NT5C2: variants seen among roughly 807,000 people sequenced by gnomAD.
NT5C2 encodes the protein cytosolic purine 5'-nucleotidase.
A neutral mutation model predicts 76.1 loss-of-function variants in NT5C2; 58 were observed. The ratio of observed to expected loss-of-function variants is 0.76; its 90% CI spans 0.62 to 0.95. The LOEUF (loss-of-function observed/expected upper bound fraction) is 0.95. Ranked by LOEUF, NT5C2 falls within the 40% of genes least tolerant of loss-of-function variation. The pLI, the probability that NT5C2 is intolerant of heterozygous loss-of-function variation, is 0.00. For missense variants in NT5C2, 478 were observed against 690.3 expected, an observed-to-expected ratio of 0.69 and a Z score of 3.45; for synonymous variants, 229 against 237.4, an observed-to-expected ratio of 0.96 and a Z score of 0.32.
chr10:103,179,745 G>A (rs2090732626), intron 2 of NT5C2, among the ~76,000 whole-genome samples: 1 of 152,088 alleles, frequency 6.6e-6, no homozygotes, highest in South Asian at 2.1e-4. Flanking sequence ...CTACTACAGG[G>A]TTGGCATATA....
At chr10:103,150,932 T>C (rs908718632) in intron 3 of NT5C2, among the ~76,000 whole-genome samples, 2 of 152,202 alleles carry the variant, frequency 1.3e-5, no homozygotes, top group Non-Finnish European at 1.5e-5. Flanking sequence ...ATGATGTCTT[T>C]CAAGAAACAG....
At chr10:103,127,844 C>T (rs1434711218) in intron 4 of NT5C2, among the ~76,000 whole-genome samples, 1 of 151,940 alleles carries the variant, frequency 6.6e-6, no homozygotes, top group East Asian at 1.9e-4. Context: ...GCGTGAGCCA[C>T]CGCGCCCGGC....
chr10:103,153,354 C>G (rs1455904068), intron 3 of NT5C2: 3 of 1,268,012 alleles, frequency 2.4e-6, no homozygotes, highest in Admixed American at 5.1e-5. Context: ...AACAAACAAG[C>G]TTCACTGATC....
At chr10:103,154,158 A>G (rs955020568) in intron 3 of NT5C2, among the ~76,000 whole-genome samples, 2 of 152,228 alleles carry the variant, frequency 1.3e-5, no homozygotes, top group Admixed American at 6.5e-5. Context: ...GAAGAAATAA[A>G]TAAGTCTGCT....
chr10:103,169,085 A>C (rs915150874), intron 3 of NT5C2, among the ~76,000 whole-genome samples: 16 of 152,204 alleles, frequency 1.1e-4, no homozygotes, highest in Non-Finnish European at 2.2e-4. Flanking sequence ...TGATGAGTAC[A>C]GATAATAATC....
At chr10:103,167,084 C>A (rs1164790774) in intron 3 of NT5C2, among the ~76,000 whole-genome samples, 1 of 151,470 alleles carries the variant, frequency 6.6e-6, no homozygotes, top group Non-Finnish European at 1.5e-5. Flanking sequence ...GGTAAAATCT[C>A]AGCTCACTGC....
chr10:103,101,865 G>A (rs1170024756), intron 6 of NT5C2, among the ~76,000 whole-genome samples: 2 of 152,132 alleles, frequency 1.3e-5, no homozygotes, highest in Admixed American at 6.5e-5. Context: ...GCTGGTATAT[G>A]AGCTGGGCCT....
At chr10:103,090,015 A>C in intron 18 of NT5C2, 107 bp from the exon 19 acceptor site, 1 of 791,952 alleles carries the variant, frequency 1.3e-6, no homozygotes, top group Non-Finnish European at 2.0e-6. Flanking sequence ...TACATCTATA[A>C]TGGACCACAG....
intron 3 of NT5C2, among the ~76,000 whole-genome samples, chr10:103,169,649 T>G (rs1264970453): frequency 6.6e-6 from 1 of 151,808 alleles, no homozygotes; most frequent in Non-Finnish European, 1.5e-5. Flanking sequence ...TAAAGCAAAT[T>G]CTTGCAAGAT....
intron 12 of NT5C2, 84 bp downstream of exon 12, chr10:103,095,855 C>T: frequency 3.1e-6 from 4 of 1,287,108 alleles, no homozygotes; most frequent in Non-Finnish European, 4.5e-6. Context: ...GGGTTCTGAC[C>T]AATTCTTTCC....
intron 1 of NT5C2, among the ~76,000 whole-genome samples, chr10:103,181,934 C>T (rs1182998794): frequency 1.3e-5 from 2 of 151,400 alleles, no homozygotes; most frequent in Admixed American, 6.6e-5. Flanking sequence ...TTCTCCCACC[C>T]GGGAGGCGGA....
chr10:103,103,860 T>G (rs1179735908), intron 6 of NT5C2, among the ~76,000 whole-genome samples: 1 of 152,156 alleles, frequency 6.6e-6, no homozygotes. Flanking sequence ...ATTAATTTAT[T>G]TTTATTTTTT....
rs57117670 is a variant in NT5C2, at chr10:103,159,251, GCACACACA to G, written c.101+15599_101+15606del. On this transcript the variant is annotated intron_variant, in intron 3 of 18. Transcript: ENST00000404739. ...GAGTGAGACCTCATCTCCAAAACAT[GCACACACA>G]CACACACACACACACACACACACAC... Among the ~76,000 whole-genome samples, 1,284 of 133,272 alleles carry G rather than the reference GCACACACA, an allele frequency of 9.6e-3. 21 individuals are homozygous for G. Among genetic ancestry groups the G allele is most frequent in the East Asian group, 0.04 (183 of 4,596 alleles). The allele number at this position is 133,272 out of a possible 152,430, so 87.4% of individuals were successfully genotyped here.
chr10:103,110,222 G>A (rs1334273309), intron 4 of NT5C2, among the ~76,000 whole-genome samples: 3 of 152,080 alleles, frequency 2.0e-5, no homozygotes, highest in African/African-American at 4.8e-5. Context: ...TTGGGAGGCC[G>A]GGGCGTGTGG....
rs201575845 is a variant in NT5C2 at position 103,101,514 on chromosome 10, AT to A, written c.390-189del. On this transcript the variant is annotated intron_variant, in intron 6 of 18. Coordinates refer to ENST00000404739, the MANE Select transcript of NT5C2 (RefSeq NM_001351169.2). ...CAGCTCTTTATTTTTTTTAATTTTA[AT>A]TTTTTTTTTTTTTTAAGACAGTCTT... Among the ~76,000 whole-genome samples the A allele has an allele frequency of 0.092, 13,187 of 143,570 alleles. 795 individuals carry two copies. Among genetic ancestry groups the A allele is most frequent in the East Asian group, 0.28 (1,406 of 4,988 alleles). 94.2% of individuals were successfully genotyped at this position (143,570 alleles called of 152,430 possible).
chr10:103,177,414 A>G, intron 2 of NT5C2, among the ~76,000 whole-genome samples: 1 of 152,348 alleles, frequency 6.6e-6, no homozygotes, highest in South Asian at 2.1e-4. Context: ...TAAGTAGTAG[A>G]TTAATATTTT....
At chr10:103,181,157 T>A (rs2090998194) in intron 2 of NT5C2, 28 bp downstream of exon 2, 1 of 151,946 alleles carries the variant, frequency 6.6e-6, no homozygotes, top group African/African-American at 2.4e-5. Context: ...TAAAATTTAT[T>A]ATATACTCTG....
In NT5C2 at chr10:103,093,289, C is replaced by T; in HGVS notation, c.1009G>A (p.Asp337Asn). The change falls in exon 15 of 19, where the codon GAC (aspartate) becomes AAC (asparagine). Residue 337 changes from aspartate to asparagine, a missense_variant. Asp to Asn is a conservative substitution (Grantham distance 23). Transcript: ENST00000404739. ...YSGGSSDTIC[D>N]LLGAKGKDIL... ...TCTTTTCCCTTGGCTCCCAACAGGT[C>T]ACAGATCGTATCAGAAGAACCTGAA... 6.3e-7 allele frequency: 1 copy of T among 1,597,818 alleles called. No individual in the cohort carries two copies. Among genetic ancestry groups the T allele is most frequent in the Non-Finnish European group, 8.5e-7 (1 of 1,173,672 alleles).
chr10:103,090,547 C>A, intron 18 of NT5C2, 64 bp downstream of exon 18: 1 of 1,440,466 alleles, frequency 6.9e-7, no homozygotes. Flanking sequence ...TGCCATCTCA[C>A]AAAGGTGGTT....
Sources: gnomAD v4.1 joint callset for allele counts (sites outside exome capture counted in the v4.1 genomes callset) on GRCh38, gnomAD v4.1.1 for gene constraint, MANE v1.5 for transcripts, NCBI Gene and HGNC (gene_info 2026-07-23, HGNC 2026-07-21) for gene names.